The following AUTS2 variants were observed in gnomAD, a reference collection of about 807,000 sequenced individuals.
AUTS2 encodes activator of transcription and developmental regulator AUTS2, also known as autism susceptibility gene 2 protein.
In AUTS2, 17 loss-of-function variants were observed where a neutral mutation model predicts 112.4. The ratio of observed to expected loss-of-function variants is 0.15; its 90% CI spans 0.10 to 0.23. AUTS2 has a LOEUF of 0.23. AUTS2 is among the 10% of genes least tolerant of loss of function. The pLI, the probability that AUTS2 is intolerant of heterozygous loss-of-function variation, is 1.00. For missense variants in AUTS2, 1,510 were observed against 1,701.6 expected (o/e 0.89, Z 1.98); for synonymous variants, 751 against 702.7 (o/e 1.07, Z -1.09).
intron 4 of AUTS2, among the ~76,000 whole-genome samples, chr7:70,262,179 T>G (rs117594872): frequency 0.012 from 1,796 of 152,316 alleles, 17 homozygotes; most frequent in East Asian, 0.051. Flanking sequence ...GTTTTTTAAA[T>G]GTATGTTTCT....
In AUTS2 at chr7:70,649,500, T is replaced by TTTTTA. The variant is rs1554451097; in HGVS notation, c.691-49066_691-49065insTATTT. Among the ~76,000 whole-genome samples, 499 of 143,870 alleles carry TTTTTA rather than the reference T, an allele frequency of 3.5e-3. 4 individuals carry two copies. The highest frequency in any genetic ancestry group is 0.012 in the African/African-American group (484 of 39,068). 94.4% of individuals were successfully genotyped at this position (143,870 alleles called of 152,430 possible). ...CTCAGAGTGTCCCAGTGGTGATTTA[T>TTTTTA]TTTATTTATTTATTTATTTATTTAT... On this transcript the variant is annotated intron_variant, in intron 5 of 18. Transcript: ENST00000342771.
chr7:69,989,225 G>A (rs1798639225), intron 2 of AUTS2, among the ~76,000 whole-genome samples: 1 of 152,144 alleles, frequency 6.6e-6, no homozygotes, highest in Non-Finnish European at 1.5e-5. Flanking sequence ...AGTTTCAGGA[G>A]AGTAAGCTGT....
At chr7:69,814,747 G>A (rs1790686076) in intron 1 of AUTS2, among the ~76,000 whole-genome samples, 1 of 152,254 alleles carries the variant, frequency 6.6e-6, no homozygotes, top group African/African-American at 2.4e-5. Flanking sequence ...GTGCCCAGCG[G>A]TATGGGCGAA....
chr7:70,340,554 T>G (rs1791218436), intron 4 of AUTS2, among the ~76,000 whole-genome samples: 1 of 152,142 alleles, frequency 6.6e-6, no homozygotes, highest in Non-Finnish European at 1.5e-5. Flanking sequence ...CATACCTACA[T>G]GGCAGCTAGC....
chr7:70,698,499 T>C, intron 5 of AUTS2, 70 bp from the exon 6 acceptor site: 8 of 1,295,332 alleles, frequency 6.2e-6, no homozygotes, highest in Non-Finnish European at 8.8e-6. Context: ...TTTAAAATAA[T>C]GGGAATGTTG....
chr7:69,827,924 G>A lies in AUTS2; in HGVS notation c.310-71362G>A, dbSNP rs142098916. On this transcript the variant is annotated intron_variant, in intron 1 of 18. Coordinates refer to ENST00000342771, the MANE Select transcript of AUTS2 (RefSeq NM_015570.4). ...CTTTTAATTTTGCCTCGTGTCTTTT[G>A]TAGACGAGAGTGCTCTGCAGTAATT... is the stretch of plus-strand genomic sequence containing the variant. Among the ~76,000 whole-genome samples the A allele has an allele frequency of 1.5e-3, 221 of 152,266 alleles. 1 individual carries two copies. Among genetic ancestry groups the A allele is most frequent in the African/African-American group, 4.5e-3 (185 of 41,546 alleles).
intron 6 of AUTS2, among the ~76,000 whole-genome samples, chr7:70,755,894 A>G (rs1188418424): frequency 2.0e-5 from 3 of 151,982 alleles, no homozygotes; most frequent in Admixed American, 6.6e-5. Flanking sequence ...TTTAATAACT[A>G]TATATAATTA....
intron 5 of AUTS2, among the ~76,000 whole-genome samples, chr7:70,615,109 T>C (rs1335116940): frequency 6.6e-6 from 1 of 152,232 alleles, no homozygotes; most frequent in Non-Finnish European, 1.5e-5. Flanking sequence ...CCATTTCCCC[T>C]GTCGTCTTTT....
chr7:70,592,200 G>A (rs1320281410), intron 5 of AUTS2, among the ~76,000 whole-genome samples: 1 of 151,912 alleles, frequency 6.6e-6, no homozygotes, highest in East Asian at 1.9e-4. Context: ...TCAAAGAAAG[G>A]GCAGAATCTT....
At chr7:70,359,315 C>T (rs991729884) in intron 4 of AUTS2, among the ~76,000 whole-genome samples, 4 of 152,160 alleles carry the variant, frequency 2.6e-5, no homozygotes, top group Non-Finnish European at 5.9e-5. Context: ...CAAAGGGTTG[C>T]TGTAATTTAC....
chr7:70,006,152 C>G (rs988522648), intron 2 of AUTS2, among the ~76,000 whole-genome samples: 1 of 152,100 alleles, frequency 6.6e-6, no homozygotes. Context: ...CTCCTTAGTT[C>G]TACTCAAAGT....
At chr7:70,771,482 G>A (rs533494797) in intron 10 of AUTS2, 67 bp from the exon 11 acceptor site, 57 of 1,352,832 alleles carry the variant, frequency 4.2e-5, no homozygotes, top group South Asian at 2.1e-4. Flanking sequence ...TCTATGGGAC[G>A]GGAATTTGAA....
At chr7:69,807,733 T>C (rs1245862202) in intron 1 of AUTS2, among the ~76,000 whole-genome samples, 2 of 152,148 alleles carry the variant, frequency 1.3e-5, no homozygotes, top group Non-Finnish European at 2.9e-5. Context: ...AGATGGCTCA[T>C]TCATATGGCT....
intron 1 of AUTS2, among the ~76,000 whole-genome samples, chr7:69,810,481 A>G (rs1439925912): frequency 2.6e-5 from 4 of 152,156 alleles, no homozygotes; most frequent in Non-Finnish European, 5.9e-5. Flanking sequence ...TAATTAAAAA[A>G]AAAAAAAGAT....
chr7:70,590,608 T>C (rs1218232922), intron 5 of AUTS2, among the ~76,000 whole-genome samples: 1 of 152,206 alleles, frequency 6.6e-6, no homozygotes. Flanking sequence ...CATAGTTTTA[T>C]ATTTTATGAC....
At chr7:70,679,725 GT>G (rs1237883802) in intron 5 of AUTS2, among the ~76,000 whole-genome samples, 1 of 152,136 alleles carries the variant, frequency 6.6e-6, no homozygotes, top group Non-Finnish European at 1.5e-5. Context: ...GGTTCTCAAT[GT>G]GGCCTGCACA....
chr7:70,056,128 C>T (rs536416819), intron 2 of AUTS2, among the ~76,000 whole-genome samples: 2 of 152,152 alleles, frequency 1.3e-5, no homozygotes, highest in South Asian at 2.1e-4. Flanking sequence ...GCTGGGATTA[C>T]AGGCGTGCAC....
rs552848388 is a variant in AUTS2, at chr7:69,906,844, C to T, written c.522+7346C>T. On this transcript the variant is annotated intron_variant, in intron 2 of 18. Transcript: ENST00000342771. ...TTATTGGTATGGGTGCTGTGGTTCA[C>T]GCCTGTAATCTCAGCACTTTGGGAG... 3.9e-5 allele frequency among the ~76,000 whole-genome samples: 6 copies of T among 152,222 alleles called. No individual in the cohort carries two copies. The South Asian group carries it at 6.2e-4, about 16-fold the overall frequency.
chr7:70,585,477 CACAA>C (rs1177481879), intron 5 of AUTS2, among the ~76,000 whole-genome samples: 1 of 152,170 alleles, frequency 6.6e-6, no homozygotes, highest in African/African-American at 2.4e-5. Flanking sequence ...CCAAAAGAGG[CACAA>C]ACAAATGAAC....
Sources: allele counts gnomAD v4.1 joint callset (sites outside exome capture counted in the v4.1 genomes callset), GRCh38; gene constraint gnomAD v4.1.1; transcripts MANE v1.5; gene names NCBI Gene and HGNC (gene_info 2026-07-23, HGNC 2026-07-21).